Variants in OSBPL3 observed in about 807,000 individuals in gnomAD.
OSBPL3 encodes oxysterol binding protein like 3.
Under a neutral mutation model 120.1 loss-of-function variants are expected in OSBPL3, and 65 were observed. The observed-to-expected ratio is 0.54, with a 90% CI of 0.44 to 0.67. The LOEUF (loss-of-function observed/expected upper bound fraction) is 0.67, where lower values mean the gene tolerates loss of function less well. OSBPL3 is among the 30% of genes least tolerant of loss of function. OSBPL3 has a pLI of 0.00. For missense variants in OSBPL3, 1,004 were observed against 1,082.1 expected, an observed-to-expected ratio of 0.93 and a Z score of 1.01; for synonymous variants, 416 against 402.6, an observed-to-expected ratio of 1.03 and a Z score of -0.40.
At chr7:24,980,812 GT>G (rs372681222), upstream of OSBPL3, among the ~76,000 whole-genome samples, 218 of 152,160 alleles carry the variant, frequency 1.4e-3, 1 homozygote, top group Middle Eastern at 0.014. Context: ...GTTCTGTGCA[GT>G]TTATGTGCAA....
chr7:24,947,395 T>C lies in OSBPL3; in HGVS notation c.-150+32491A>G, dbSNP rs1161451061. Among the ~76,000 whole-genome samples the C allele has an allele frequency of 6.6e-6, 1 of 152,214 alleles. No homozygotes were observed. Among genetic ancestry groups the C allele is most frequent in the Non-Finnish European group, 1.5e-5 (1 of 68,030 alleles). ...CTACAGAAGGAATCAGCTCACAGCA[T>C]GTGTGCAGCCTGGCTTTACCCAGGC... On this transcript the variant is annotated intron_variant, in intron 1 of 22. Coordinates refer to ENST00000313367, the MANE Select transcript of OSBPL3 (RefSeq NM_015550.4). The surrounding 1 kb of genome is among the most constrained non-coding windows in gnomAD (Gnocchi z 4.4).
Position 24,849,214 on chromosome 7 carries a change from T to C in OSBPL3, c.1159-38A>G, listed in dbSNP as rs768518026. ...AAAATAGTGGGGCTCTGTTAATAAA[T>C]GGATGTTTCAGAAAAGCACAGCAGT... On this transcript the variant is annotated intron_variant, in intron 11 of 22. Transcript: ENST00000313367. The surrounding 1 kb of genome is among the most constrained non-coding windows in gnomAD (Gnocchi z 5.4). 3.3e-6 allele frequency: 5 copies of C among 1,517,356 alleles called. No individual in the cohort carries two copies. The South Asian group carries it at 5.7e-5, about 17-fold the overall frequency. 94.0% of individuals were successfully genotyped at this position (1,517,356 alleles called of 1,614,324 possible). A position where few individuals can be genotyped will look rare whatever the true frequency, so the allele number is the denominator to read the frequency against.
intron 1 of OSBPL3, among the ~76,000 whole-genome samples, chr7:24,958,713 C>G (rs1319531636): frequency 1.3e-5 from 2 of 152,164 alleles, no homozygotes; most frequent in Non-Finnish European, 2.9e-5. Context: ...CTGTGATATT[C>G]AGCACATTCA....
intron 1 of OSBPL3, among the ~76,000 whole-genome samples, chr7:24,921,817 CAA>C (rs1810420239): frequency 6.6e-6 from 1 of 152,162 alleles, no homozygotes; most frequent in East Asian, 1.9e-4. Flanking sequence ...TGAAAACAAA[CAA>C]GAGTTCACAT....
At position 24,827,592 on chromosome 7, in the gene OSBPL3, C is replaced by T. The variant is rs1398227429; in HGVS notation, c.1884+3176G>A. ...TCACACTGGACAATGCTTTCTGATCCCCATAGCAGGTCTATTTTTCACAGT... is the reference window on the plus strand; with the variant it reads ...TCACACTGGACAATGCTTTCTGATCTCCATAGCAGGTCTATTTTTCACAGT... On this transcript the variant is annotated intron_variant, in intron 16 of 22. Coordinates refer to ENST00000313367, the MANE Select transcript of OSBPL3 (RefSeq NM_015550.4). This position sits in a 1 kb window ranked among gnomAD's most constrained non-coding sequence, Gnocchi z 5.1. Among the ~76,000 whole-genome samples, 1 of 152,190 alleles carries T rather than the reference C, an allele frequency of 6.6e-6. No homozygotes were observed. The highest frequency in any genetic ancestry group is 1.5e-5 in the Non-Finnish European group (1 of 68,034).
chr7:24,889,447 C>CCACACA (rs144297564), intron 2 of OSBPL3, among the ~76,000 whole-genome samples: 1 of 151,314 alleles, frequency 6.6e-6, no homozygotes, highest in Non-Finnish European at 1.5e-5. Flanking sequence ...AATGTTCTTA[C>CCACACA]CACACACACA....
At position 24,849,074 on chromosome 7, in the gene OSBPL3, C is replaced by G. The variant is rs769734695; in HGVS notation, c.1261G>C (p.Ala421Pro). 17 of 1,612,268 alleles carry G rather than the reference C, an allele frequency of 1.1e-5. No homozygotes were observed. The highest frequency in any genetic ancestry group is 1.4e-5 in the Non-Finnish European group (16 of 1,178,524). The change falls in exon 12 of 23, where the codon GCA (alanine) becomes CCA (proline). Residue 421 changes from alanine to proline, a missense_variant. Around this residue, in one of 4 missense-constraint regions of OSBPL3, gnomAD observed 272 missense variants for 248.8 expected, o/e 1.09. Transcript: ENST00000313367. The surrounding 1 kb of genome is among the most constrained non-coding windows in gnomAD (Gnocchi z 5.4). ...PAVAKSGDNL[A>P]EENSRDENRA... ...CAGACGAGAAACCTACCCACCTCTG[C>G]CAGATTGTCACCCGACTTGGCGACA...
At chr7:24,890,270 T>C (rs17150451) in intron 2 of OSBPL3, among the ~76,000 whole-genome samples, 15,176 of 152,268 alleles carry the variant, frequency 0.1, 882 homozygotes, top group East Asian at 0.27. Context: ...TAATTAAATT[T>C]CTTACTATGT....
At chr7:24,868,338 A>AGT (rs55688298) in intron 5 of OSBPL3, among the ~76,000 whole-genome samples, 4,280 of 137,876 alleles carry the variant, frequency 0.031, 125 homozygotes, top group African/African-American at 0.076. Context: ...AAAAAAAAAA[A>AGT]GTGTGTGTGT....
rs1393483199 is a variant in OSBPL3, at chr7:24,881,892, ATC to A, written c.97-9825_97-9824del. On this transcript the variant is annotated intron_variant, in intron 2 of 22. Transcript: ENST00000313367. The surrounding 1 kb of genome is among the most constrained non-coding windows in gnomAD (Gnocchi z 4.3). ...CTTGGCTTGTAGCTGCATCACTCCA[ATC>A]TCTCTCTCCACCATCACATCACCTT... 2.0e-5 allele frequency among the ~76,000 whole-genome samples: 3 copies of A among 151,786 alleles called. No individual in the cohort carries two copies. The highest frequency in any genetic ancestry group is 4.4e-5 in the Non-Finnish European group (3 of 67,922).
In OSBPL3 at chr7:24,854,514, A is replaced by G. The variant is rs1006888241; in HGVS notation, c.1028-1880T>C. On this transcript the variant is annotated intron_variant, in intron 10 of 22. Coordinates refer to ENST00000313367, the MANE Select transcript of OSBPL3 (RefSeq NM_015550.4). This position sits in a 1 kb window ranked among gnomAD's most constrained non-coding sequence, Gnocchi z 4.1. ...TACACACACACACGCACACACACAC[A>G]CACACACACACACACACACACACAA... 6.8e-6 allele frequency among the ~76,000 whole-genome samples: 1 copy of G among 146,864 alleles called. No individual in the cohort carries two copies. Among genetic ancestry groups the G allele is most frequent in the Admixed American group, 6.8e-5 (1 of 14,808 alleles).
In OSBPL3 at chr7:24,818,229, G is replaced by T. The variant is rs1794707372; in HGVS notation, c.1949-1541C>A. 6.6e-6 allele frequency among the ~76,000 whole-genome samples: 1 copy of T among 152,124 alleles called. No individual in the cohort carries two copies. Among genetic ancestry groups the T allele is most frequent in the Admixed American group, 6.5e-5 (1 of 15,282 alleles). On this transcript the variant is annotated intron_variant, in intron 17 of 22. Coordinates refer to ENST00000313367, the MANE Select transcript of OSBPL3 (RefSeq NM_015550.4). The surrounding 1 kb of genome is among the most constrained non-coding windows in gnomAD (Gnocchi z 4.0). ...ATGAAAATGTTCTAAAATTAACTGTGCTGATAACTGCACAGTTTATTAAAT... is the reference window on the plus strand; with the variant it reads ...ATGAAAATGTTCTAAAATTAACTGTTCTGATAACTGCACAGTTTATTAAAT...
In OSBPL3 at chr7:24,898,066, A is replaced by G. The variant is rs1419258328; in HGVS notation, c.-149-5445T>C. 1.3e-5 allele frequency among the ~76,000 whole-genome samples: 2 copies of G among 152,236 alleles called. No homozygotes were observed. Among genetic ancestry groups the G allele is most frequent in the African/African-American group, 4.8e-5 (2 of 41,454 alleles). ...AGTGGGATATCTATTTCTGGTCTTT[A>G]ATAAAATAAAATTATTCAAATCCAA... On this transcript the variant is annotated intron_variant, in intron 1 of 22. Coordinates refer to ENST00000313367, the MANE Select transcript of OSBPL3 (RefSeq NM_015550.4). The surrounding 1 kb of genome is among the most constrained non-coding windows in gnomAD (Gnocchi z 4.3).
intron 2 of OSBPL3, among the ~76,000 whole-genome samples, chr7:24,890,027 G>C (rs1384801555): frequency 6.6e-6 from 1 of 152,168 alleles, no homozygotes; most frequent in African/African-American, 2.4e-5. Context: ...GATGGGTCAG[G>C]GTGAGCGCAG....
Position 24,845,384 on chromosome 7 carries a change from T to TAAAAAAAAAAAAAAAAA in OSBPL3, c.1267-2988_1267-2972dup, listed in dbSNP as rs34559902. Among the ~76,000 whole-genome samples, 24 of 62,256 alleles carry TAAAAAAAAAAAAAAAAA rather than the reference T, an allele frequency of 3.9e-4. 3 individuals carry two copies. The highest frequency in any genetic ancestry group is 1.5e-3 in the African/African-American group (23 of 15,212). The allele number at this position is 62,256 out of a possible 152,430, so 40.8% of individuals were successfully genotyped here. On this transcript the variant is annotated intron_variant, in intron 12 of 22. Transcript: ENST00000313367. Reference sequence around the variant, plus strand: ...GAATTTACAAATATTGCAAAATAAGTAAAAAAAAAAAAAAAAAAAAAAAAA... The same window carrying TAAAAAAAAAAAAAAAAA: ...GAATTTACAAATATTGCAAAATAAGTAAAAAAAAAAAAAAAAAAAAAAAAAAAAAAAAAAAAAAAAAA...
intron 12 of OSBPL3, 82 bp from the exon 13 acceptor site, chr7:24,842,495 A>C: frequency 9.6e-7 from 1 of 1,037,814 alleles, no homozygotes; most frequent in Middle Eastern, 2.5e-4. Context: ...GTTGTACAAT[A>C]CACAAGGTCA....
In OSBPL3 at chr7:24,918,457, G is replaced by A. The variant is rs928564203; in HGVS notation, c.-149-25836C>T. Among the ~76,000 whole-genome samples, 15 of 152,188 alleles carry A rather than the reference G, an allele frequency of 9.9e-5. No homozygotes were observed. The highest frequency in any genetic ancestry group is 3.1e-4 in the African/African-American group (13 of 41,440). Reference sequence around the variant, plus strand: ...TATTTGGAAGAAAGAAGTGCCACTCGAGAGAGTTAAAACACTAAGTCAGCT... The same window carrying A: ...TATTTGGAAGAAAGAAGTGCCACTCAAGAGAGTTAAAACACTAAGTCAGCT... On this transcript the variant is annotated intron_variant, in intron 1 of 22. Coordinates refer to ENST00000313367, the MANE Select transcript of OSBPL3 (RefSeq NM_015550.4). This position sits in a 1 kb window ranked among gnomAD's most constrained non-coding sequence, Gnocchi z 4.3.
chr7:24,840,046 C>A (rs1256960214), intron 14 of OSBPL3, among the ~76,000 whole-genome samples: 1 of 145,298 alleles, frequency 6.9e-6, no homozygotes, highest in East Asian at 2.1e-4. Context: ...TTTTTATATT[C>A]CTATAATTGG....
At position 24,916,786 on chromosome 7, in the gene OSBPL3, T is replaced by G. The variant is rs1481363738; in HGVS notation, c.-149-24165A>C. On this transcript the variant is annotated intron_variant, in intron 1 of 22. Coordinates refer to ENST00000313367, the MANE Select transcript of OSBPL3 (RefSeq NM_015550.4). The surrounding 1 kb of genome is among the most constrained non-coding windows in gnomAD (Gnocchi z 4.9). The stretch of plus-strand genomic sequence containing the variant: ...GAAAAAAACGTGGTGCTTGGGTATT[T>G]TCACTAGAGATGTAAATGGAAACTT... Among the ~76,000 whole-genome samples, 1 of 152,156 alleles carries G rather than the reference T, an allele frequency of 6.6e-6. No individual in the cohort carries two copies. The highest frequency in any genetic ancestry group is 1.5e-5 in the Non-Finnish European group (1 of 68,028).
Sources: allele counts gnomAD v4.1 joint callset (sites outside exome capture counted in the v4.1 genomes callset), GRCh38; gene constraint gnomAD v4.1.1; regional missense constraint gnomAD v4.1.1; non-coding constraint Gnocchi (gnomAD v3.1); transcripts MANE v1.5; gene names NCBI Gene and HGNC (gene_info 2026-07-23, HGNC 2026-07-21).